Variants in TSPAN12 observed in about 807,000 individuals in gnomAD.
The protein encoded by TSPAN12 is tetraspanin 12.
A neutral mutation model predicts 39.2 loss-of-function variants in TSPAN12; 19 were observed. That is an observed-to-expected ratio of 0.49 (90% confidence interval 0.34 to 0.71). The LOEUF (loss-of-function observed/expected upper bound fraction) is 0.71, where lower values mean the gene tolerates loss of function less well. Ranked by LOEUF, TSPAN12 falls within the 30% of genes least tolerant of loss-of-function variation. TSPAN12 has a pLI of 0.01. For synonymous variants in TSPAN12, 119 were observed against 124.8 expected (o/e 0.95, Z 0.31); for missense variants, 314 against 359.9 (o/e 0.87, Z 1.03).
At chr7:120,838,746 A>G (rs1794524106) in intron 4 of TSPAN12, 31 bp downstream of exon 4, 1 of 1,603,716 alleles carries the variant, frequency 6.2e-7, no homozygotes, top group Middle Eastern at 1.7e-4. Context: ...AATCTTTTTA[A>G]CTATAATAAA....
chr7:120,788,757 A>G lies in TSPAN12; in HGVS notation c.753T>C (p.Asp251=), dbSNP rs1288684060. The change falls in exon 8 of 8, where the codon GAT becomes GAC. Residue 251 remains aspartate, a synonymous_variant. Coordinates refer to ENST00000222747, the MANE Select transcript of TSPAN12 (RefSeq NM_012338.4). ...TTTGGTCTGTCCCCGGCTCCCTTCT[A>G]TCATAATACAGAGCCCAGAGCAGAG... The part of the protein sequence containing the change: ...TITLLWALYY[D]RREPGTDQMM... 1 of 1,614,144 alleles carries G rather than the reference A, an allele frequency of 6.2e-7. No individual in the cohort carries two copies. The highest frequency in any genetic ancestry group is 1.1e-5 in the South Asian group (1 of 91,084).
chr7:120,815,726 C>A lies in TSPAN12; in HGVS notation c.360+3G>T, dbSNP rs1283306665. ...ATTGTGATTATATCTATTTTGAACT[C>A]ACCATAAGTTCCTGTTCATATGTCC... On this transcript the variant is annotated splice_donor_region_variant and intron_variant, in intron 5 of 7. Coordinates refer to ENST00000222747, the MANE Select transcript of TSPAN12 (RefSeq NM_012338.4). The A allele has an allele frequency of 6.2e-7, 1 of 1,611,576 alleles. No individual in the cohort carries two copies. The highest frequency in any genetic ancestry group is 8.5e-7 in the Non-Finnish European group (1 of 1,178,608).
rs1456159697 is a variant in TSPAN12 at position 120,856,775 on chromosome 7, T to C, written c.-12A>G. 6.2e-7 allele frequency: 1 copy of C among 1,614,128 alleles called. No homozygotes were observed. The highest frequency in any genetic ancestry group is 1.7e-5 in the Admixed American group (1 of 60,024). ...TCTTCTCTGGCCATTGTGAGCCCCG[T>C]AAGGGAGAAGCCCCATCCTTTCACC... On this transcript the variant is annotated 5_prime_UTR_variant, in exon 2 of 8. Coordinates refer to ENST00000222747, the MANE Select transcript of TSPAN12 (RefSeq NM_012338.4).
At chr7:120,808,988 A>AAC (rs1275332411) in intron 6 of TSPAN12, among the ~76,000 whole-genome samples, 2 of 150,232 alleles carry the variant, frequency 1.3e-5, no homozygotes, top group Admixed American at 6.7e-5. Context: ...ATATATATTT[A>AAC]ATATATATAT....
At chr7:120,800,210 A>G (rs1422850828) in intron 7 of TSPAN12, among the ~76,000 whole-genome samples, 1 of 152,134 alleles carries the variant, frequency 6.6e-6, no homozygotes, top group Admixed American at 6.6e-5. Flanking sequence ...GAACTCAAAC[A>G]TCATACAACA....
At chr7:120,805,774 G>C (rs536704443) in intron 7 of TSPAN12, among the ~76,000 whole-genome samples, 4 of 152,198 alleles carry the variant, frequency 2.6e-5, no homozygotes, top group Non-Finnish European at 4.4e-5. Context: ...GTGCAACAGA[G>C]GAACAGATAT....
intron 7 of TSPAN12, among the ~76,000 whole-genome samples, chr7:120,801,671 T>G (rs1793774472): frequency 6.6e-6 from 1 of 152,238 alleles, no homozygotes; most frequent in Non-Finnish European, 1.5e-5. Flanking sequence ...TCAGTCCATT[T>G]GAAGCAGGGC....
chr7:120,794,028 G>A (rs1201221653), intron 7 of TSPAN12, among the ~76,000 whole-genome samples: 1 of 152,106 alleles, frequency 6.6e-6, no homozygotes, highest in Non-Finnish European at 1.5e-5. Flanking sequence ...AGGCAAACAG[G>A]ACACTCAACC....
intron 7 of TSPAN12, among the ~76,000 whole-genome samples, chr7:120,794,529 G>A (rs1461790397): frequency 2.0e-5 from 3 of 152,146 alleles, no homozygotes; most frequent in Non-Finnish European, 4.4e-5. Flanking sequence ...GCCTGCTGCC[G>A]CTTTGCTTTT....
chr7:120,820,871 T>G (rs1584937887), intron 4 of TSPAN12, among the ~76,000 whole-genome samples: 1 of 152,114 alleles, frequency 6.6e-6, no homozygotes, highest in East Asian at 1.9e-4. Flanking sequence ...TCCCCTTGAT[T>G]TCTGCCTACA....
intron 4 of TSPAN12, among the ~76,000 whole-genome samples, chr7:120,834,511 T>G (rs905157021): frequency 3.3e-5 from 5 of 152,196 alleles, no homozygotes; most frequent in African/African-American, 1.2e-4. Flanking sequence ...CATTTACTTT[T>G]TCTTGATCAG....
chr7:120,835,899 G>A (rs1466227293), intron 4 of TSPAN12, among the ~76,000 whole-genome samples: 4 of 152,210 alleles, frequency 2.6e-5, no homozygotes, highest in Non-Finnish European at 5.9e-5. Context: ...GAGCAAGAAA[G>A]TTTGTTCAGG....
chr7:120,847,362 T>C (rs1460686646), intron 2 of TSPAN12, among the ~76,000 whole-genome samples: 6 of 152,148 alleles, frequency 3.9e-5, no homozygotes, highest in Non-Finnish European at 1.5e-5. Flanking sequence ...AGACTATTCC[T>C]AAATCAATTC....
In TSPAN12 at chr7:120,827,295, C is replaced by A. The variant is rs890741202; in HGVS notation, c.285+11482G>T. 1.3e-5 allele frequency among the ~76,000 whole-genome samples: 2 copies of A among 152,092 alleles called. 1 individual carries two copies. The highest frequency in any genetic ancestry group is 1.3e-4 in the Admixed American group (2 of 15,270). ...AAAAGGGTATTAAAGGAAATAGTTT[C>A]GTTTAAATTTTACAAATCCACATAT... is the stretch of plus-strand genomic sequence containing the variant. On this transcript the variant is annotated intron_variant, in intron 4 of 7. Transcript: ENST00000222747.
At chr7:120,831,351 C>G (rs1369510879) in intron 4 of TSPAN12, among the ~76,000 whole-genome samples, 1 of 152,002 alleles carries the variant, frequency 6.6e-6, no homozygotes, top group Non-Finnish European at 1.5e-5. Flanking sequence ...TTCTCATGTT[C>G]ATTCCAGCAT....
intron 4 of TSPAN12, among the ~76,000 whole-genome samples, chr7:120,817,963 A>T (rs966223261): frequency 6.6e-6 from 1 of 152,142 alleles, no homozygotes. Context: ...CAAAGCAGAA[A>T]GGTATGATAG....
At chr7:120,790,651 A>G (rs1470900382) in intron 7 of TSPAN12, among the ~76,000 whole-genome samples, 1 of 152,240 alleles carries the variant, frequency 6.6e-6, no homozygotes, top group Non-Finnish European at 1.5e-5. Flanking sequence ...GGTGGCTGCT[A>G]CTGTTTTACA....
intron 5 of TSPAN12, among the ~76,000 whole-genome samples, chr7:120,811,019 G>T (rs1176579721): frequency 6.6e-6 from 1 of 152,164 alleles, no homozygotes; most frequent in Admixed American, 6.5e-5. Context: ...GAATTAAGAA[G>T]GGAAAGAATT....
intron 2 of TSPAN12, among the ~76,000 whole-genome samples, chr7:120,854,838 A>C (rs1794840683): frequency 6.6e-6 from 1 of 152,210 alleles, no homozygotes; most frequent in South Asian, 2.1e-4. Flanking sequence ...GTTGAAGCGT[A>C]GGTGATATTG....
Sources: gnomAD v4.1 joint callset for allele counts (sites outside exome capture counted in the v4.1 genomes callset) on GRCh38, gnomAD v4.1.1 for gene constraint, MANE v1.5 for transcripts, NCBI Gene and HGNC (gene_info 2026-07-23, HGNC 2026-07-21) for gene names.